Variants in NFAT5 observed in about 807,000 individuals in gnomAD.
The protein encoded by NFAT5 is nuclear factor of activated T cells 5.
In NFAT5, 31 loss-of-function variants were observed where a neutral mutation model predicts 166.5. That is an observed-to-expected ratio of 0.19 (90% CI 0.14 to 0.25). The LOEUF is 0.25. Among genes scored for constraint, NFAT5 ranks in the 10% least tolerant of loss-of-function variants. The probability of loss-of-function intolerance (pLI) is 1.00; values close to 1 mark genes in which losing one functional copy is unlikely to be tolerated. For missense variants in NFAT5, 1,449 were observed against 1,821.8 expected, an observed-to-expected ratio of 0.80 and a Z score of 3.72; for synonymous variants, 612 against 639.7, an observed-to-expected ratio of 0.96 and a Z score of 0.65.
Position 69,703,268 on chromosome 16 carries a change from A to T in NFAT5, c.*6917A>T, listed in dbSNP as rs1451480854. 1.3e-5 allele frequency: 2 copies of T among 152,624 alleles called. No individual in the cohort carries two copies. Among genetic ancestry groups the T allele is most frequent in the Non-Finnish European group, 2.9e-5 (2 of 68,028 alleles). 9.5% of individuals were successfully genotyped at this position (152,624 alleles called of 1,614,324 possible). A position where few individuals can be genotyped will look rare whatever the true frequency, so the allele number is the denominator to read the frequency against. On this transcript the variant is annotated 3_prime_UTR_variant, in exon 15 of 15. Coordinates refer to ENST00000349945, the MANE Select transcript of NFAT5 (RefSeq NM_138713.4). ...CCTTAACTTATTTTTTTAATAGGTA[A>T]AACTTCTTCAAAAGTAGCTTGCTTT...
At chr16:69,662,621 G>A (rs368312563) in intron 7 of NFAT5, among the ~76,000 whole-genome samples, 1 of 151,780 alleles carries the variant, frequency 6.6e-6, no homozygotes, top group African/African-American at 2.4e-5. Flanking sequence ...CACCACGCCC[G>A]GCTAATTTTT....
intron 9 of NFAT5, among the ~76,000 whole-genome samples, chr16:69,676,184 C>A (rs1333106996): frequency 1.3e-5 from 2 of 152,062 alleles, no homozygotes; most frequent in Non-Finnish European, 1.5e-5. Flanking sequence ...TAATCACTAC[C>A]CTGTGATATC....
At chr16:69,682,798 G>A (rs1374679857) in intron 10 of NFAT5, among the ~76,000 whole-genome samples, 1 of 151,900 alleles carries the variant, frequency 6.6e-6, no homozygotes, top group Non-Finnish European at 1.5e-5. Flanking sequence ...TGGACCTACT[G>A]TGAAGCATAC....
chr16:69,601,928 A>G (rs2033152385), intron 2 of NFAT5, among the ~76,000 whole-genome samples: 1 of 152,320 alleles, frequency 6.6e-6, no homozygotes, highest in Admixed American at 6.5e-5. Flanking sequence ...ATCCAAATGA[A>G]TAAGGCTACC....
At chr16:69,583,847 A>G (rs2031860029) in intron 2 of NFAT5, among the ~76,000 whole-genome samples, 1 of 152,224 alleles carries the variant, frequency 6.6e-6, no homozygotes, top group Admixed American at 6.5e-5. Flanking sequence ...ATTGTGCTCT[A>G]GTTATATGTA....
chr16:69,692,516 A>ACAGCAG lies in NFAT5; in HGVS notation c.2706_2711dup (p.Gln905_Gln906dup), dbSNP rs369235958. 16 of 1,610,062 alleles carry ACAGCAG rather than the reference A, an allele frequency of 9.9e-6. No homozygotes were observed. Among genetic ancestry groups the ACAGCAG allele is most frequent in the Middle Eastern group, 1.6e-4 (1 of 6,062 alleles). On this transcript the variant is annotated inframe_insertion, in exon 13 of 15. Transcript: ENST00000349945. ...AGTCTGAAAACACGTTATCTAATCA[A>ACAGCAG]CAGCAGCAGCAGCAGCAGCAACAGC... is the stretch of plus-strand genomic sequence containing the variant.
At chr16:69,633,742 A>G (rs1296677701) in intron 3 of NFAT5, among the ~76,000 whole-genome samples, 3 of 152,234 alleles carry the variant, frequency 2.0e-5, no homozygotes, top group Non-Finnish European at 4.4e-5. Context: ...TCAGCTAGAT[A>G]GAAGAAATAA....
chr16:69,613,632 C>T (rs968601552), intron 2 of NFAT5, among the ~76,000 whole-genome samples: 6 of 152,210 alleles, frequency 3.9e-5, no homozygotes, highest in Admixed American at 6.5e-5. Context: ...ATAGCCATTT[C>T]AATATTCAAG....
chr16:69,617,175 C>T (rs1365580537), intron 2 of NFAT5, among the ~76,000 whole-genome samples: 1 of 152,058 alleles, frequency 6.6e-6, no homozygotes, highest in East Asian at 1.9e-4. Context: ...ATCTCCTGAC[C>T]TTGTGATCCG....
chr16:69,624,819 CA>C (rs2151577955), intron 2 of NFAT5, among the ~76,000 whole-genome samples: 1 of 151,626 alleles, frequency 6.6e-6, no homozygotes, highest in Non-Finnish European at 1.5e-5. Context: ...GATTTCTTGG[CA>C]TACTAGGCAA....
Position 69,610,001 on chromosome 16 carries a change from A to AAG in NFAT5, c.128-16384_128-16383dup, listed in dbSNP as rs10599522. Among the ~76,000 whole-genome samples the AAG allele has an allele frequency of 3.2e-4, 48 of 148,070 alleles. 1 individual carries two copies. The highest frequency in any genetic ancestry group is 1.1e-3 in the South Asian group (5 of 4,654). On this transcript the variant is annotated intron_variant, in intron 2 of 14. Coordinates refer to ENST00000349945, the MANE Select transcript of NFAT5 (RefSeq NM_138713.4). ...AATCTGGACAACAGAGTGAGACAAG[A>AAG]AGAGAGAGAGAGAGAGAGACAGATA...
chr16:69,566,235 G>A lies in NFAT5; in HGVS notation c.-67G>A. On this transcript the variant is annotated 5_prime_UTR_variant, in exon 1 of 15. Coordinates refer to ENST00000349945, the MANE Select transcript of NFAT5 (RefSeq NM_138713.4). This position sits in a 1 kb window ranked among gnomAD's most constrained non-coding sequence, Gnocchi z 5.7. ...GGTTCGGTGCCCGCGGTCCCGGAGA[G>A]GAGGTGCCGCCGCCACCGCCGCTCC... 1.4e-6 allele frequency: 2 copies of A among 1,465,370 alleles called. No individual in the cohort carries two copies. The highest frequency in any genetic ancestry group is 1.9e-6 in the Non-Finnish European group (2 of 1,071,214). 90.8% of individuals were successfully genotyped at this position (1,465,370 alleles called of 1,614,324 possible).
chr16:69,681,640 G>T lies in NFAT5; in HGVS notation c.1691-3247G>T, dbSNP rs145372179. Among the ~76,000 whole-genome samples, 286 of 152,130 alleles carry T rather than the reference G, an allele frequency of 1.9e-3. 3 individuals are homozygous for T. The highest frequency in any genetic ancestry group is 6.4e-3 in the African/African-American group (267 of 41,528). ...TGTACAGAAAATCTAGGGATTGGCC[G>T]GGCACGGTGGCTCACGCCTGTAATC... On this transcript the variant is annotated intron_variant, in intron 10 of 14. Transcript: ENST00000349945.
chr16:69,665,099 G>T (rs991382518), intron 7 of NFAT5, among the ~76,000 whole-genome samples: 1 of 152,180 alleles, frequency 6.6e-6, no homozygotes, highest in Non-Finnish European at 1.5e-5. Context: ...GACTTTAGTT[G>T]TGTTTAGTAT....
rs1385479944 is a variant in NFAT5 at position 69,701,055 on chromosome 16, C to CT, written c.*4705dup. 6.6e-6 allele frequency: 1 copy of CT among 152,296 alleles called. No individual in the cohort carries two copies. The highest frequency in any genetic ancestry group is 2.4e-5 in the African/African-American group (1 of 41,378). The allele number at this position is 152,296 out of a possible 1,614,324, so 9.4% of individuals were successfully genotyped here. ...CACCTCCCAGGTTCAAGCGATTCTC[C>CT]TGCCTCAGCCTCCCAAGTAGCCAGG... On this transcript the variant is annotated 3_prime_UTR_variant, in exon 15 of 15. Transcript: ENST00000349945.
intron 2 of NFAT5, among the ~76,000 whole-genome samples, chr16:69,625,115 T>C (rs2034395791): frequency 6.6e-6 from 1 of 151,996 alleles, no homozygotes; most frequent in Non-Finnish European, 1.5e-5. Context: ...TTGGCCAGGC[T>C]GGTCTCGAAC....
chr16:69,675,702 C>T (rs376404009), intron 9 of NFAT5, among the ~76,000 whole-genome samples: 21 of 152,110 alleles, frequency 1.4e-4, no homozygotes, highest in African/African-American at 4.8e-4. Context: ...TGCAATGACG[C>T]GCTCTTGGCT....
chr16:69,580,543 T>C (rs2031607969), intron 2 of NFAT5, among the ~76,000 whole-genome samples: 1 of 152,024 alleles, frequency 6.6e-6, no homozygotes, highest in African/African-American at 2.4e-5. Context: ...AAAAAAAGTT[T>C]AGGCATTTAT....
At chr16:69,695,868 G>T (rs147626225) in intron 14 of NFAT5, among the ~76,000 whole-genome samples, 6 of 152,266 alleles carry the variant, frequency 3.9e-5, no homozygotes, top group African/African-American at 1.4e-4. Context: ...TTTATTTGGT[G>T]TCCCCAAGGG....
Sources: allele counts gnomAD v4.1 joint callset (sites outside exome capture counted in the v4.1 genomes callset), GRCh38; gene constraint gnomAD v4.1.1; non-coding constraint Gnocchi (gnomAD v3.1); transcripts MANE v1.5; gene names NCBI Gene and HGNC (gene_info 2026-07-23, HGNC 2026-07-21).